The following CTNNA3 variants were observed in gnomAD, a reference collection of about 807,000 sequenced individuals.
CTNNA3 encodes catenin alpha 3.
Under a neutral mutation model 95.7 loss-of-function variants are expected in CTNNA3, and 76 were observed. The ratio of observed to expected loss-of-function variants is 0.79; its 90% CI spans 0.66 to 0.96. CTNNA3 has a LOEUF of 0.96. Ranked by LOEUF, CTNNA3 falls within the 40% of genes least tolerant of loss-of-function variation. The pLI, the probability that CTNNA3 is intolerant of heterozygous loss-of-function variation, is 0.00. For synonymous variants in CTNNA3, 431 were observed against 374.4 expected (o/e 1.15, Z -1.74); for missense variants, 1,191 against 1,089.8 (o/e 1.09, Z -1.31).
intron 7 of CTNNA3, among the ~76,000 whole-genome samples, chr10:66,848,405 TG>T (rs1843357891): frequency 1.3e-5 from 2 of 152,290 alleles, no homozygotes; most frequent in African/African-American, 4.8e-5. Context: ...TCCTCCCACT[TG>T]TCTGACAGTG....
At chr10:67,531,332 G>A (rs933830165) in intron 4 of CTNNA3, among the ~76,000 whole-genome samples, 41 of 152,278 alleles carry the variant, frequency 2.7e-4, no homozygotes, top group African/African-American at 8.7e-4. Flanking sequence ...GCTGTATCCC[G>A]CAAAGCCACA....
At chr10:66,412,456 ATTTTT>A (rs750175517) in intron 11 of CTNNA3, among the ~76,000 whole-genome samples, 31,760 of 126,088 alleles carry the variant, frequency 0.25, 3,562 homozygotes, top group South Asian at 0.36. Flanking sequence ...GCCAAATACT[ATTTTT>A]TTTTTTTTTT....
chr10:66,292,966 C>T (rs1280009891), intron 12 of CTNNA3, among the ~76,000 whole-genome samples: 1 of 152,126 alleles, frequency 6.6e-6, no homozygotes, highest in Admixed American at 6.5e-5. Context: ...TTTTTTCAGG[C>T]TACCTCCTTC....
chr10:66,077,381 T>C (rs987383642), intron 14 of CTNNA3, among the ~76,000 whole-genome samples: 1 of 151,840 alleles, frequency 6.6e-6, no homozygotes, highest in Non-Finnish European at 1.5e-5. Context: ...TCTTACAGGA[T>C]ATATAATATC....
At chr10:66,311,350 TAGAG>T (rs987601641) in intron 12 of CTNNA3, among the ~76,000 whole-genome samples, 1 of 152,164 alleles carries the variant, frequency 6.6e-6, no homozygotes, top group African/African-American at 2.4e-5. Context: ...TAAAGAGAGT[TAGAG>T]AGAATCACAC....
intron 5 of CTNNA3, among the ~76,000 whole-genome samples, chr10:67,315,080 C>T (rs773319999): frequency 7.9e-5 from 12 of 152,230 alleles, no homozygotes; most frequent in Non-Finnish European, 8.8e-5. Context: ...GGAGTACACA[C>T]ACAGTGCCCA....
intron 11 of CTNNA3, among the ~76,000 whole-genome samples, chr10:66,421,739 G>C (rs1402324666): frequency 6.6e-6 from 1 of 150,846 alleles, no homozygotes; most frequent in Non-Finnish European, 1.5e-5. Flanking sequence ...GGGAGGCTGA[G>C]GCAAAGAAAT....
chr10:67,569,679 AAAATT>A (rs1841921609), intron 3 of CTNNA3, among the ~76,000 whole-genome samples: 1 of 152,158 alleles, frequency 6.6e-6, no homozygotes, highest in South Asian at 2.1e-4. Context: ...GATGGGTCTG[AAAATT>A]ATTGTTGTGT....
chr10:67,385,424 C>T (rs1030649253), intron 5 of CTNNA3, among the ~76,000 whole-genome samples: 11 of 152,170 alleles, frequency 7.2e-5, no homozygotes, highest in Admixed American at 7.2e-4. Context: ...AACACTTCTA[C>T]CTAATATAGT....
chr10:66,472,039 T>G (rs537248954), intron 11 of CTNNA3, among the ~76,000 whole-genome samples: 2 of 152,116 alleles, frequency 1.3e-5, no homozygotes, highest in South Asian at 4.1e-4. Flanking sequence ...AACAGCAGAT[T>G]GTTTTGTATT....
chr10:66,621,889 G>A, intron 9 of CTNNA3, 105 bp from the exon 10 acceptor site: 2 of 561,512 alleles, frequency 3.6e-6, no homozygotes, highest in South Asian at 2.9e-5. Flanking sequence ...GAATCTCAAT[G>A]ACAAATAACA....
At chr10:67,366,133 A>C (rs189467665) in intron 5 of CTNNA3, among the ~76,000 whole-genome samples, 1 of 152,224 alleles carries the variant, frequency 6.6e-6, no homozygotes, top group East Asian at 1.9e-4. Flanking sequence ...TCATGTTCTC[A>C]CTCATAGATG....
intron 10 of CTNNA3, among the ~76,000 whole-genome samples, chr10:66,584,462 G>A (rs1330946148): frequency 1.3e-5 from 2 of 151,460 alleles, no homozygotes; most frequent in Non-Finnish European, 3.0e-5. Context: ...TAATATTGTT[G>A]CTCTAAAGTC....
intron 11 of CTNNA3, among the ~76,000 whole-genome samples, chr10:66,388,116 C>G (rs1187762052): frequency 6.6e-6 from 1 of 151,894 alleles, no homozygotes; most frequent in Non-Finnish European, 1.5e-5. Flanking sequence ...GAAGAAGCTA[C>G]TATTTTCAAG....
intron 7 of CTNNA3, among the ~76,000 whole-genome samples, chr10:67,167,178 C>T (rs1861808146): frequency 6.6e-6 from 1 of 152,036 alleles, no homozygotes; most frequent in Non-Finnish European, 1.5e-5. Flanking sequence ...CTGGGCTCAG[C>T]TGAGATTTGA....
At chr10:66,736,521 T>C (rs1849149078) in intron 9 of CTNNA3, among the ~76,000 whole-genome samples, 1 of 151,988 alleles carries the variant, frequency 6.6e-6, no homozygotes, top group East Asian at 1.9e-4. Flanking sequence ...TTATTCTTTC[T>C]ATCATTATAA....
At chr10:66,783,969 A>G (rs567726801) in intron 7 of CTNNA3, among the ~76,000 whole-genome samples, 15 of 152,238 alleles carry the variant, frequency 9.9e-5, no homozygotes, top group African/African-American at 2.9e-4. Flanking sequence ...TGAATAATAG[A>G]CTGTCAAAGT....
At chr10:67,715,192 A>G (rs1303604254) in intron 1 of CTNNA3, among the ~76,000 whole-genome samples, 1 of 152,246 alleles carries the variant, frequency 6.6e-6, no homozygotes, top group African/African-American at 2.4e-5. Flanking sequence ...CTTATTTTAG[A>G]AACCAGATGT....
chr10:66,317,483 C>T (rs997059077), intron 12 of CTNNA3, among the ~76,000 whole-genome samples: 7 of 151,866 alleles, frequency 4.6e-5, no homozygotes, highest in Admixed American at 1.3e-4. Context: ...ACCAGCCTGG[C>T]CAACATAGTG....
Sources: allele counts gnomAD v4.1 joint callset (sites outside exome capture counted in the v4.1 genomes callset), GRCh38; gene constraint gnomAD v4.1.1; transcripts MANE v1.5; gene names NCBI Gene and HGNC (gene_info 2026-07-23, HGNC 2026-07-21).